MYH15: variants seen among roughly 807,000 people sequenced by gnomAD.
The protein encoded by MYH15 is myosin-15.
In MYH15, 227 loss-of-function variants were observed where a neutral mutation model predicts 240.5. That is an observed-to-expected ratio of 0.94 (90% confidence interval 0.85 to 1.05). MYH15 has a LOEUF of 1.05. Ranked by LOEUF, MYH15 falls within the 50% of genes least tolerant of loss-of-function variation. The pLI is 0.00. For synonymous variants in MYH15, 785 were observed against 796.7 expected (o/e 0.99, Z 0.25); for missense variants, 2,217 against 2,247.5 (o/e 0.99, Z 0.27).
chr3:108,397,944 T>G (rs2082474277), intron 35 of MYH15, among the ~76,000 whole-genome samples: 1 of 152,134 alleles, frequency 6.6e-6, no homozygotes, highest in Admixed American at 6.5e-5. Context: ...GACAATCCAT[T>G]CTTCTGGCAT....
chr3:108,446,877 T>TA (rs1409026551), intron 21 of MYH15, among the ~76,000 whole-genome samples: 2 of 151,960 alleles, frequency 1.3e-5, no homozygotes, highest in African/African-American at 4.8e-5. Flanking sequence ...AATAAATCCC[T>TA]AAAAATCCAA....
At chr3:108,467,169 G>T (rs1001751257) in intron 14 of MYH15, among the ~76,000 whole-genome samples, 2 of 151,742 alleles carry the variant, frequency 1.3e-5, no homozygotes, top group African/African-American at 4.8e-5. Flanking sequence ...ATACAGGTCT[G>T]AGTTCTGGGA....
intron 9 of MYH15, among the ~76,000 whole-genome samples, chr3:108,488,559 G>A (rs868610713): frequency 2.0e-4 from 30 of 152,036 alleles, no homozygotes; most frequent in Admixed American, 5.9e-4. Context: ...CCTCCCTCCT[G>A]GGCCTCCCAA....
At chr3:108,428,426 C>T (rs1428788166) in intron 27 of MYH15, 66 bp downstream of exon 27, 3 of 1,517,138 alleles carry the variant, frequency 2.0e-6, no homozygotes, top group East Asian at 2.3e-5. Flanking sequence ...TTTCCCTCCC[C>T]TCCCATTTCT....
rs756067574 is a variant in MYH15, at chr3:108,463,089, C to G, written c.1864+22G>C. 5.1e-6 allele frequency: 8 copies of G among 1,576,614 alleles called. No homozygotes were observed. In the Admixed American group the frequency reaches 1.6e-4, roughly 32 times the overall value. On this transcript the variant is annotated intron_variant, in intron 16 of 40. Transcript: ENST00000693548. ...GGGTTCCATTCTGAGGCTGAAAAAT[C>G]AAGGAAGATTGTATGACTCACCACT...
chr3:108,398,775 C>T lies in MYH15; in HGVS notation c.4995G>A (p.Val1665=). The T allele has an allele frequency of 6.2e-7, 1 of 1,614,120 alleles. No individual in the cohort carries two copies. The highest frequency in any genetic ancestry group is 8.5e-7 in the Non-Finnish European group (1 of 1,179,998). Residue 1665 remains valine, a synonymous_variant, in exon 35 of 41, where the codon GTG becomes GTA. Coordinates refer to ENST00000693548, the MANE Select transcript of MYH15 (RefSeq NM_014981.3). ...LNSDLKEQVA[V]AERRNSLLQS... ...GAAGAAGAGAGTTGCGCCGCTCAGC[C>T]ACAGCCACCTGCTCCTTCAGATCAC...
intron 37 of MYH15, 69 bp downstream of exon 37, chr3:108,391,691 G>A (rs891250044): frequency 1.3e-6 from 2 of 1,493,758 alleles, no homozygotes; most frequent in African/African-American, 2.8e-5. Flanking sequence ...CAGATCTAGT[G>A]TCACATTCCA....
rs2083101373 is a variant in MYH15, at chr3:108,464,807, C to T, written c.1562G>A (p.Gly521Asp). 2.5e-6 allele frequency: 4 copies of T among 1,605,164 alleles called. No individual in the cohort carries two copies. The highest frequency in any genetic ancestry group is 3.4e-6 in the Non-Finnish European group (4 of 1,177,012). ...CTCTTCTTCAAGGATGGAAAGGATG[C>T]CCATTGGCTGTTGAAGAGACATAAG... Reference protein sequence around the residue: ...ACIDLIEKPMGILSILEEECM... With the variant: ...ACIDLIEKPMDILSILEEECM... The change falls in exon 15 of 41, where the codon GGC becomes GAC. Residue 521 changes from glycine (G) to aspartate (D), a missense_variant. Coordinates refer to ENST00000693548, the MANE Select transcript of MYH15 (RefSeq NM_014981.3).
chr3:108,403,734 CCT>C (rs766355322), intron 33 of MYH15, among the ~76,000 whole-genome samples: 3 of 152,082 alleles, frequency 2.0e-5, no homozygotes, highest in South Asian at 2.1e-4. Context: ...AGCTCACCCC[CCT>C]GCCTCCAGTC....
intron 24 of MYH15, 125 bp from the exon 25 acceptor site, chr3:108,437,824 CA>C: frequency 1.0e-6 from 1 of 955,832 alleles, no homozygotes; most frequent in South Asian, 2.0e-5. Flanking sequence ...AAATGATGCC[CA>C]GTAACATAGA....
At chr3:108,396,732 T>C (rs188627276) in intron 35 of MYH15, among the ~76,000 whole-genome samples, 1 of 152,350 alleles carries the variant, frequency 6.6e-6, no homozygotes, top group Admixed American at 6.5e-5. Context: ...GGGAATTATC[T>C]ATAACCTACA....
chr3:108,547,261 A>G, the MYH15 span, among the ~76,000 whole-genome samples: 1 of 152,052 alleles, frequency 6.6e-6, no homozygotes, highest in African/African-American at 2.4e-5. Flanking sequence ...CTAGGCTTCC[A>G]AAATTATGGG....
Position 108,521,132 on chromosome 3 carries a change from A to T in MYH15, c.-58+8131T>A, listed in dbSNP as rs1286925445. Among the ~76,000 whole-genome samples, 3 of 152,172 alleles carry T rather than the reference A, an allele frequency of 2.0e-5. No individual in the cohort carries two copies. In the East Asian group the frequency reaches 5.8e-4, roughly 29 times the overall value. On this transcript the variant is annotated intron_variant, in intron 1 of 41. Coordinates refer to the MYH15 transcript ENST00000273353. ...GTTCTTTAATTTCTTCCCCCCTCCCAAAAGTGTAATTTTTAAAAGTGTCTT... is the reference window on the plus strand; with the variant it reads ...GTTCTTTAATTTCTTCCCCCCTCCCTAAAGTGTAATTTTTAAAAGTGTCTT...
intron 2 of MYH15, among the ~76,000 whole-genome samples, chr3:108,502,141 T>C (rs1018597921): frequency 6.6e-6 from 1 of 152,174 alleles, no homozygotes; most frequent in African/African-American, 2.4e-5. Flanking sequence ...TGATTCCCTC[T>C]AAGAGTACAT....
intron 12 of MYH15, among the ~76,000 whole-genome samples, chr3:108,474,006 C>A (rs1004110068): frequency 6.6e-6 from 1 of 152,186 alleles, no homozygotes; most frequent in Non-Finnish European, 1.5e-5. Flanking sequence ...TTGAGAAATA[C>A]AAAGTTGTTC....
chr3:108,473,571 T>C (rs995754569), intron 12 of MYH15, among the ~76,000 whole-genome samples: 4 of 152,216 alleles, frequency 2.6e-5, no homozygotes, highest in African/African-American at 9.6e-5. Flanking sequence ...TCACTATCTG[T>C]AGCTGTAAAA....
intron 33 of MYH15, among the ~76,000 whole-genome samples, chr3:108,400,774 A>G (rs1292915992): frequency 6.6e-6 from 1 of 152,072 alleles, no homozygotes; most frequent in Non-Finnish European, 1.5e-5. Context: ...GCACCACTGC[A>G]CTCCAGCCTG....
chr3:108,517,750 G>A (rs1415206889), intron 1 of MYH15, among the ~76,000 whole-genome samples: 1 of 152,174 alleles, frequency 6.6e-6, no homozygotes, highest in Non-Finnish European at 1.5e-5. Context: ...TTACAGGTGT[G>A]AGCCACCGCA....
intron 20 of MYH15, 151 bp downstream of exon 20, chr3:108,455,585 G>C (rs1037317078): frequency 1.1e-6 from 1 of 897,188 alleles, no homozygotes. Flanking sequence ...AAACAGCACC[G>C]AAGTTTTCAC....
Sources: gnomAD v4.1 joint callset for allele counts (sites outside exome capture counted in the v4.1 genomes callset) on GRCh38, gnomAD v4.1.1 for gene constraint, MANE v1.5 for transcripts, NCBI Gene and HGNC (gene_info 2026-07-23, HGNC 2026-07-21) for gene names.